The following STPG2 variants were observed in gnomAD, a reference collection of about 807,000 sequenced individuals.
STPG2 encodes the protein sperm-tail PG-rich repeat-containing protein 2.
In STPG2, 56 loss-of-function variants were observed where a neutral mutation model predicts 54.2. The ratio of observed to expected loss-of-function variants is 1.03; its 90% CI spans 0.83 to 1.29. The LOEUF is 1.29. STPG2 is among the 50% of genes most tolerant of loss of function. The pLI, the probability that STPG2 is intolerant of heterozygous loss-of-function variation, is 0.00. For missense variants in STPG2, 596 were observed against 544.9 expected (o/e 1.09, Z -0.93); for synonymous variants, 200 against 181.8 (o/e 1.10, Z -0.81).
chr4:98,119,965 G>A (rs28801403), intron 3 of STPG2, among the ~76,000 whole-genome samples: 60,145 of 151,950 alleles, frequency 0.4, 12,146 homozygotes, highest in Middle Eastern at 0.46. Context: ...ATTCCATGGC[G>A]TATATGTGTC....
At chr4:97,552,387 A>G (rs1731984559) in intron 4 of STPG2, among the ~76,000 whole-genome samples, 1 of 152,100 alleles carries the variant, frequency 6.6e-6, no homozygotes, top group Non-Finnish European at 1.5e-5. Flanking sequence ...TAGAATCATG[A>G]TGGGTCTAGA....
At chr4:98,075,954 A>G (rs759379224) in intron 5 of STPG2, among the ~76,000 whole-genome samples, 64 of 152,216 alleles carry the variant, frequency 4.2e-4, no homozygotes, top group Non-Finnish European at 2.9e-4. Context: ...GAATTAAAGA[A>G]GCAAATGAGG....
At chr4:97,671,135 C>T (rs1367506539) in intron 10 of STPG2, among the ~76,000 whole-genome samples, 5 of 152,244 alleles carry the variant, frequency 3.3e-5, no homozygotes, top group African/African-American at 1.2e-4. Context: ...TACAATACCC[C>T]AACCTCTTAT....
At chr4:97,920,596 CA>C (rs76507958) in intron 8 of STPG2, among the ~76,000 whole-genome samples, 1,805 of 142,896 alleles carry the variant, frequency 0.013, 29 homozygotes, top group African/African-American at 0.043. Flanking sequence ...GTAAATCAAC[CA>C]AAAAAAAAAG....
At chr4:97,827,025 T>C (rs952021229) in intron 9 of STPG2, among the ~76,000 whole-genome samples, 1 of 152,168 alleles carries the variant, frequency 6.6e-6, no homozygotes, top group African/African-American at 2.4e-5. Context: ...AGGTTTCTGA[T>C]AACATTGGAG....
At chr4:97,919,096 T>C (rs1439940463) in intron 8 of STPG2, among the ~76,000 whole-genome samples, 2 of 152,120 alleles carry the variant, frequency 1.3e-5, no homozygotes, top group African/African-American at 4.8e-5. Context: ...TAAACACACT[T>C]CTAAATATGT....
intron 5 of STPG2, among the ~76,000 whole-genome samples, chr4:98,012,947 T>C (rs533056266): frequency 6.6e-6 from 1 of 152,356 alleles, no homozygotes; most frequent in South Asian, 2.1e-4. Flanking sequence ...TTTAATTCTT[T>C]CTCTTGCCTG....
intron 4 of STPG2, among the ~76,000 whole-genome samples, chr4:97,535,538 CT>C (rs1731509550): frequency 6.6e-6 from 1 of 152,106 alleles, no homozygotes; most frequent in Non-Finnish European, 1.5e-5. Context: ...ATTGGAGTGA[CT>C]TTTCCTTTTA....
chr4:97,815,303 C>A (rs1485953418), intron 9 of STPG2, among the ~76,000 whole-genome samples: 12 of 152,078 alleles, frequency 7.9e-5, no homozygotes, highest in Admixed American at 7.9e-4. Flanking sequence ...AGGCTTGGGA[C>A]TGAAAATGTT....
intron 8 of STPG2, among the ~76,000 whole-genome samples, chr4:97,861,286 A>T (rs925954977): frequency 9.8e-5 from 15 of 152,330 alleles, no homozygotes; most frequent in Middle Eastern, 3.4e-3. Flanking sequence ...AAAAAACTAT[A>T]ATGAGATATC....
At chr4:97,821,762 G>C (rs571677769) in intron 9 of STPG2, among the ~76,000 whole-genome samples, 8 of 152,282 alleles carry the variant, frequency 5.3e-5, no homozygotes, top group African/African-American at 1.9e-4. Context: ...TGGAACTACA[G>C]CCTGAGCTAT....
chr4:97,714,756 A>G (rs974475525), intron 9 of STPG2, among the ~76,000 whole-genome samples: 4 of 152,150 alleles, frequency 2.6e-5, no homozygotes, highest in African/African-American at 9.7e-5. Context: ...AACACAAACT[A>G]TCACCAGAAG....
At chr4:97,876,403 C>A (rs1170042542) in intron 8 of STPG2, among the ~76,000 whole-genome samples, 1 of 151,982 alleles carries the variant, frequency 6.6e-6, no homozygotes, top group Non-Finnish European at 1.5e-5. Context: ...GTTAATGCTT[C>A]TTTTATAATT....
chr4:98,067,545 TA>T (rs1560663925), intron 5 of STPG2, among the ~76,000 whole-genome samples: 5 of 152,160 alleles, frequency 3.3e-5, no homozygotes. Flanking sequence ...GGCTTTCAGA[TA>T]ATATCAAGAT....
At chr4:97,569,177 C>A (rs535528205) in intron 10 of STPG2, among the ~76,000 whole-genome samples, 1 of 152,068 alleles carries the variant, frequency 6.6e-6, no homozygotes, top group Non-Finnish European at 1.5e-5. Flanking sequence ...AAGGAGTGGG[C>A]AATTCCTGGA....
intron 5 of STPG2, among the ~76,000 whole-genome samples, chr4:98,094,869 G>T (rs6840669): frequency 0.4 from 60,189 of 151,950 alleles, 12,156 homozygotes; most frequent in Middle Eastern, 0.46. Context: ...TCCCAAACAC[G>T]AAATTACAGT....
intron 1 of STPG2, among the ~76,000 whole-genome samples, chr4:98,141,492 A>G (rs768437498): frequency 2.0e-5 from 3 of 152,080 alleles, no homozygotes; most frequent in Admixed American, 2.0e-4. Flanking sequence ...TAACCTGAAC[A>G]TTTCTTTTGA....
At chr4:97,881,377 T>C (rs1730369012) in intron 8 of STPG2, among the ~76,000 whole-genome samples, 1 of 152,154 alleles carries the variant, frequency 6.6e-6, no homozygotes, top group Non-Finnish European at 1.5e-5. Flanking sequence ...ATTCCATCTC[T>C]AAAATGCTGT....
At chr4:97,869,381 C>A (rs1268138225) in intron 8 of STPG2, among the ~76,000 whole-genome samples, 1 of 151,626 alleles carries the variant, frequency 6.6e-6, no homozygotes, top group Admixed American at 6.6e-5. Flanking sequence ...CAGAGTTCTA[C>A]AGAGCCCAGG....
Sources: allele counts gnomAD v4.1 joint callset (sites outside exome capture counted in the v4.1 genomes callset), GRCh38; gene constraint gnomAD v4.1.1; transcripts MANE v1.5; gene names NCBI Gene and HGNC (gene_info 2026-07-23, HGNC 2026-07-21).